Variants in PCM1 observed in about 807,000 individuals in gnomAD.
The protein encoded by PCM1 is pericentriolar material 1, also known as pericentriolar material 1 protein.
A neutral mutation model predicts 241.9 loss-of-function variants in PCM1; 157 were observed. That is an observed-to-expected ratio of 0.65 (90% CI 0.57 to 0.74). The LOEUF (loss-of-function observed/expected upper bound fraction) is 0.74. PCM1 is among the 30% of genes least tolerant of loss of function. PCM1 has a pLI of 0.00. For missense variants in PCM1, 3,478 were observed against 2,360.1 expected, an observed-to-expected ratio of 1.47 and a Z score of -9.81; for synonymous variants, 1,085 against 784.9, an observed-to-expected ratio of 1.38 and a Z score of -6.39.
chr8:17,986,120 T>C (rs375045981), intron 26 of PCM1, 33 bp downstream of exon 26: 104 of 1,400,354 alleles, frequency 7.4e-5, no homozygotes, highest in Non-Finnish European at 9.1e-5. Flanking sequence ...ATTGTAGATA[T>C]AATTTTAGTA....
rs1016521479 is a variant in PCM1 at position 17,928,546 on chromosome 8, C to T, written c.-23+3766C>T. Among the ~76,000 whole-genome samples the T allele has an allele frequency of 8.6e-5, 13 of 151,368 alleles. No homozygotes were observed. In the East Asian group the frequency reaches 2.5e-3, roughly 29 times the overall value. On this transcript the variant is annotated intron_variant, in intron 2 of 38. Transcript: ENST00000325083. ...TGTCTTTTGCTCTAGACCCCAATGG[C>T]CCCCGCTTTCTCAGAGCCCACATGC...
chr8:17,962,971 A>T (rs939421306), intron 16 of PCM1, 130 bp from the exon 17 acceptor site: 15 of 627,980 alleles, frequency 2.4e-5, no homozygotes, highest in Non-Finnish European at 3.3e-5. Flanking sequence ...CTTCATGGAC[A>T]TGTTAGTGTG....
In PCM1 at chr8:17,963,203, C is replaced by G. The variant is rs578259645; in HGVS notation, c.2566C>G (p.Leu856Val). 6.2e-6 allele frequency: 10 copies of G among 1,613,658 alleles called. No homozygotes were observed. The highest frequency in any genetic ancestry group is 2.2e-5 in the South Asian group (2 of 91,054). The change falls in exon 17 of 39, where the codon CTA becomes GTA. Residue 856 changes from leucine (L) to valine (V), a missense_variant. Physicochemically the swap from Leu to Val is conservative, Grantham distance 32. Transcript: ENST00000325083. ...LMAEHQRRQGLAETASPVAVS... is the reference protein window; with the variant it reads ...LMAEHQRRQGVAETASPVAVS... ...GGCTGAACATCAGAGGAGGCAAGGT[C>G]TAGCTGAAACTGCATCTCCAGTGGC...
chr8:18,001,578 A>G (rs547533558), intron 29 of PCM1, among the ~76,000 whole-genome samples: 8 of 152,244 alleles, frequency 5.3e-5, no homozygotes, highest in Non-Finnish European at 1.0e-4. Context: ...GATGGCATTC[A>G]TTACATTCTA....
intron 34 of PCM1, 28 bp downstream of exon 34, chr8:18,011,855 C>T: frequency 6.4e-7 from 1 of 1,550,802 alleles, no homozygotes; most frequent in Non-Finnish European, 8.6e-7. Flanking sequence ...GACACACTTC[C>T]ATCAGCCTTA....
intron 21 of PCM1, among the ~76,000 whole-genome samples, chr8:17,968,069 AG>A (rs1259605197): frequency 1.3e-5 from 2 of 152,012 alleles, no homozygotes; most frequent in African/African-American, 2.4e-5. Context: ...AAAAAAAAAA[AG>A]AGTTGATATT....
rs1393301992 is a variant in PCM1 at position 17,938,976 on chromosome 8, TGGG to T, written c.580_582del (p.Gly194del). The T allele has an allele frequency of 6.2e-7, 1 of 1,613,676 alleles. No homozygotes were observed. The highest frequency in any genetic ancestry group is 1.7e-5 in the Admixed American group (1 of 60,004). ...AAAACTGTCAGGTGTCTGAAGAAGA[TGGG>T]AGGGGAGAACCTGCAATGGAGAGCA... On this transcript the variant is annotated inframe_deletion, in exon 5 of 39. Transcript: ENST00000325083.
intron 16 of PCM1, 179 bp from the exon 17 acceptor site, chr8:17,962,922 C>A: frequency 4.1e-6 from 2 of 490,706 alleles, no homozygotes; most frequent in East Asian, 3.7e-5. Context: ...AAAAAATTGG[C>A]TGATTTTTTT....
At chr8:17,944,289 G>C (rs2063105872) in intron 6 of PCM1, among the ~76,000 whole-genome samples, 1 of 152,154 alleles carries the variant, frequency 6.6e-6, no homozygotes, top group African/African-American at 2.4e-5. Flanking sequence ...AAGAAGACTA[G>C]AGCCTAAGAA....
chr8:17,995,771 T>TCTTTCA (rs1365477360), intron 29 of PCM1, among the ~76,000 whole-genome samples: 2 of 152,112 alleles, frequency 1.3e-5, no homozygotes, highest in African/African-American at 4.8e-5. Flanking sequence ...ATTGTAGAGA[T>TCTTTCA]CTTTCACTTA....
chr8:17,950,342 T>C (rs187882815), intron 7 of PCM1, among the ~76,000 whole-genome samples: 3 of 152,310 alleles, frequency 2.0e-5, no homozygotes. Context: ...GAGTCACTAC[T>C]ATTAATTGGA....
intron 29 of PCM1, among the ~76,000 whole-genome samples, chr8:18,000,845 G>A (rs2089130210): frequency 6.6e-6 from 1 of 152,244 alleles, no homozygotes; most frequent in Non-Finnish European, 1.5e-5. Context: ...CTGACCTCAA[G>A]TGATGCACCC....
In PCM1 at chr8:18,014,767, C is replaced by T. The variant is rs766280274; in HGVS notation, c.5768C>T (p.Ser1923Phe). Residue 1923 changes from serine (S) to phenylalanine (F), a missense_variant, in exon 36 of 39, where the codon TCT becomes TTT. By Grantham distance (155) the Ser-to-Phe change is radical (BLOSUM62 -2). Transcript: ENST00000325083. ...GTGCCTAGAGTCAAAGAAGTTAAAT[C>T]TGCTCAGGAAACTCCTGAAAGCTCT... ...PLVPRVKEVK[S>F]AQETPESSLA... The T allele has an allele frequency of 1.2e-6, 2 of 1,611,400 alleles. No individual in the cohort carries two copies. The highest frequency in any genetic ancestry group is 1.7e-6 in the Non-Finnish European group (2 of 1,179,480).
chr8:18,002,784 A>G (rs961202810), intron 29 of PCM1, among the ~76,000 whole-genome samples: 6 of 128,460 alleles, frequency 4.7e-5, no homozygotes, highest in African/African-American at 1.2e-4. Flanking sequence ...GTGTGAGATG[A>G]TATCTCATAG....
intron 29 of PCM1, among the ~76,000 whole-genome samples, chr8:17,997,601 A>G (rs118133444): frequency 0.017 from 2,604 of 152,134 alleles, 42 homozygotes; most frequent in South Asian, 0.044. Context: ...CTAATTCTTT[A>G]GCTTGATCAA....
intron 23 of PCM1, among the ~76,000 whole-genome samples, chr8:17,976,003 C>T (rs571059754): frequency 2.4e-4 from 37 of 152,290 alleles, no homozygotes; most frequent in African/African-American, 7.9e-4. Context: ...TTTCTTCACT[C>T]TTTTCTTGGA....
Position 17,967,147 on chromosome 8 carries a change from C to T in PCM1, c.3389C>T (p.Thr1130Ile). 6.3e-7 allele frequency: 1 copy of T among 1,597,058 alleles called. No homozygotes were observed. Among genetic ancestry groups the T allele is most frequent in the African/African-American group, 1.3e-5 (1 of 74,844 alleles). ...PVNLFNIPGFTNFSSFAPGMN... is the reference protein window; with the variant it reads ...PVNLFNIPGFINFSSFAPGMN... ...AATCTCTTCAATATACCTGGATTTA[C>T]TAACTTTTCATCATTTGCACCAGGT... is the stretch of plus-strand genomic sequence containing the variant. Residue 1130 changes from threonine (T) to isoleucine (I), a missense_variant, in exon 21 of 39, where the codon ACT (threonine) becomes ATT (isoleucine). Transcript: ENST00000325083.
At chr8:17,943,530 TC>T (rs1021516540) in intron 6 of PCM1, among the ~76,000 whole-genome samples, 2 of 152,194 alleles carry the variant, frequency 1.3e-5, no homozygotes, top group Admixed American at 6.5e-5. Flanking sequence ...GTTCTTTTTT[TC>T]TTAAGGCATT....
At chr8:17,991,809 C>A in intron 28 of PCM1, 109 bp downstream of exon 28, 1 of 735,564 alleles carries the variant, frequency 1.4e-6, no homozygotes, top group Non-Finnish European at 2.2e-6. Flanking sequence ...ATCGCCTGAG[C>A]AGTATACACT....
Sources: allele counts gnomAD v4.1 joint callset (sites outside exome capture counted in the v4.1 genomes callset), GRCh38; gene constraint gnomAD v4.1.1; transcripts MANE v1.5; gene names NCBI Gene and HGNC (gene_info 2026-07-23, HGNC 2026-07-21).